CUEDC1: variants seen among roughly 807,000 people sequenced by gnomAD.
The protein encoded by CUEDC1 is CUE domain containing 1, also known as CUE domain-containing protein 1.
In CUEDC1, 30 loss-of-function variants were observed where a neutral mutation model predicts 43.7. The ratio of observed to expected loss-of-function variants is 0.69; its 90% CI spans 0.51 to 0.93. The LOEUF is 0.93. CUEDC1 is among the 40% of genes least tolerant of loss of function. The pLI, the probability that CUEDC1 is intolerant of heterozygous loss-of-function variation, is 0.00. For missense variants in CUEDC1, 486 were observed against 549.0 expected, an observed-to-expected ratio of 0.89 and a Z score of 1.15; for synonymous variants, 223 against 223.6, an observed-to-expected ratio of 1.00 and a Z score of 0.02.
intron 1 of CUEDC1, among the ~76,000 whole-genome samples, chr17:57,912,829 G>A (rs536240394): frequency 1.3e-5 from 2 of 152,192 alleles, no homozygotes; most frequent in East Asian, 3.9e-4. Flanking sequence ...GAATCTCCGG[G>A]GAGCCTTTTT....
rs532342661 is a variant in CUEDC1, at chr17:57,885,693, G to A, written c.-129C>T. 6.9e-5 allele frequency: 89 copies of A among 1,293,398 alleles called. No individual in the cohort carries two copies. Among genetic ancestry groups the A allele is most frequent in the African/African-American group, 1.4e-4 (9 of 63,902 alleles). The allele number at this position is 1,293,398 out of a possible 1,614,324, so 80.1% of individuals were successfully genotyped here. ...TCACTCCTGCGCCTCCTCCTCCCCG[G>A]GTAGCCAGGCAGCAATGGGCTGCCA... On this transcript the variant is annotated 5_prime_UTR_variant, in exon 2 of 11. Coordinates refer to ENST00000577830, the MANE Select transcript of CUEDC1 (RefSeq NM_001271875.2).
chr17:57,929,058 G>A (rs757648141), intron 1 of CUEDC1, among the ~76,000 whole-genome samples: 8 of 152,106 alleles, frequency 5.3e-5, no homozygotes, highest in Admixed American at 6.5e-5. Flanking sequence ...AAAGGCCACC[G>A]TCTGTCTAAA....
chr17:57,879,039 C>T (rs113655856), intron 3 of CUEDC1, among the ~76,000 whole-genome samples: 62 of 152,198 alleles, frequency 4.1e-4, no homozygotes, highest in Non-Finnish European at 6.2e-4. Flanking sequence ...TGCAGTCTAC[C>T]TCCCTGCCTC....
intron 1 of CUEDC1, among the ~76,000 whole-genome samples, chr17:57,931,166 A>C (rs1436412473): frequency 1.3e-5 from 2 of 152,126 alleles, no homozygotes; most frequent in African/African-American, 4.8e-5. Flanking sequence ...GCACACACCT[A>C]TAATCTCAGT....
intron 6 of CUEDC1, among the ~76,000 whole-genome samples, chr17:57,870,847 T>G (rs1597969768): frequency 6.6e-6 from 1 of 152,244 alleles, no homozygotes; most frequent in East Asian, 1.9e-4. Flanking sequence ...CAGCTAATTT[T>G]TAGTACTTTT....
At chr17:57,915,467 T>G (rs1164762777) in intron 1 of CUEDC1, among the ~76,000 whole-genome samples, 2 of 152,048 alleles carry the variant, frequency 1.3e-5, no homozygotes, top group East Asian at 3.9e-4. Flanking sequence ...GTTCAGATAT[T>G]AAAATGAAGT....
chr17:57,946,240 G>A (rs1598027932), intron 1 of CUEDC1, among the ~76,000 whole-genome samples: 1 of 152,148 alleles, frequency 6.6e-6, no homozygotes, highest in East Asian at 1.9e-4. Context: ...CAAGCAAGCA[G>A]TCTTCAGAAT....
chr17:57,912,253 C>G (rs139901075), intron 1 of CUEDC1: 9 of 152,118 alleles, frequency 5.9e-5, no homozygotes, highest in Non-Finnish European at 1.2e-4. Context: ...ATTTGGCTGC[C>G]GGTCATAGGC....
intron 1 of CUEDC1, among the ~76,000 whole-genome samples, chr17:57,908,895 G>T: frequency 6.6e-6 from 1 of 152,094 alleles, no homozygotes; most frequent in East Asian, 1.9e-4. Context: ...TACTCGAGAG[G>T]CTGAGGCAGG....
intron 1 of CUEDC1, among the ~76,000 whole-genome samples, chr17:57,950,443 G>A (rs150165949): frequency 1.3e-5 from 2 of 151,166 alleles, no homozygotes; most frequent in East Asian, 1.9e-4. Flanking sequence ...ATGAGCCACC[G>A]TGTCCAGCCT....
intron 2 of CUEDC1, among the ~76,000 whole-genome samples, chr17:57,881,747 C>T (rs769402019): frequency 2.0e-5 from 3 of 152,180 alleles, no homozygotes; most frequent in Non-Finnish European, 2.9e-5. Flanking sequence ...GCCCCCCAGA[C>T]TCAGGGCAAT....
At chr17:57,912,077 C>G (rs1285655446) in intron 1 of CUEDC1, among the ~76,000 whole-genome samples, 2 of 152,224 alleles carry the variant, frequency 1.3e-5, no homozygotes, top group Non-Finnish European at 2.9e-5. Context: ...TGGCAGAAGC[C>G]TACAGAAGGT....
At chr17:57,913,364 T>A (rs974964379) in intron 1 of CUEDC1, among the ~76,000 whole-genome samples, 7 of 151,290 alleles carry the variant, frequency 4.6e-5, no homozygotes, top group African/African-American at 1.7e-4. Context: ...GGTCTCACTA[T>A]GTTGCCCAGA....
intron 1 of CUEDC1, among the ~76,000 whole-genome samples, chr17:57,939,399 G>A (rs939531745): frequency 1.3e-5 from 2 of 150,296 alleles, no homozygotes; most frequent in South Asian, 2.1e-4. Flanking sequence ...CAAGTAGCTG[G>A]GACTACAGGC....
At chr17:57,936,727 G>A (rs557758479) in intron 1 of CUEDC1, among the ~76,000 whole-genome samples, 2 of 152,094 alleles carry the variant, frequency 1.3e-5, no homozygotes, top group Non-Finnish European at 2.9e-5. Flanking sequence ...CCACTCTCCT[G>A]CGCACTGCTC....
In CUEDC1 at chr17:57,885,446, C is replaced by T. The variant is rs776111825; in HGVS notation, c.119G>A (p.Arg40His). 4 of 1,597,254 alleles carry T rather than the reference C, an allele frequency of 2.5e-6. No homozygotes were observed. The highest frequency in any genetic ancestry group is 1.7e-5 in the Admixed American group (1 of 58,184). Residue 40 changes from arginine (R) to histidine (H), a missense_variant, in exon 2 of 11, where the codon CGC (arginine) becomes CAC (histidine). Arg to His is a conservative substitution (Grantham distance 29). Transcript: ENST00000577830. ...PQELNNSRPA[R>H]QVRRLEFNQA... ...GTTGAACTCCAGGCGGCGCACCTGGCGGGCAGGCCGGCTGTTGTTGAGCTC... is the reference window on the plus strand; with the variant it reads ...GTTGAACTCCAGGCGGCGCACCTGGTGGGCAGGCCGGCTGTTGTTGAGCTC...
intron 1 of CUEDC1, among the ~76,000 whole-genome samples, chr17:57,927,894 T>C (rs1000569974): frequency 6.6e-6 from 1 of 152,212 alleles, no homozygotes; most frequent in African/African-American, 2.4e-5. Context: ...CTCCACTTTA[T>C]AGATGGGGAA....
intron 10 of CUEDC1, among the ~76,000 whole-genome samples, chr17:57,865,830 T>C (rs1348707311): frequency 1.3e-5 from 2 of 150,700 alleles, no homozygotes; most frequent in Non-Finnish European, 3.0e-5. Context: ...TTTCTTTTTT[T>C]TTTTTTTTTG....
At chr17:57,872,476 G>A (rs191326779) in intron 5 of CUEDC1, among the ~76,000 whole-genome samples, 187 bp downstream of exon 5, 24 of 152,138 alleles carry the variant, frequency 1.6e-4, no homozygotes, top group Admixed American at 5.9e-4. Flanking sequence ...GTGGGCTAGT[G>A]ACCCAGGTCC....
Sources: allele counts gnomAD v4.1 joint callset (sites outside exome capture counted in the v4.1 genomes callset), GRCh38; gene constraint gnomAD v4.1.1; transcripts MANE v1.5; gene names NCBI Gene and HGNC (gene_info 2026-07-23, HGNC 2026-07-21).